Variants in BCAS1 observed in about 807,000 individuals in gnomAD.
BCAS1 encodes brain enriched myelin associated protein 1.
Under a neutral mutation model 65.4 loss-of-function variants are expected in BCAS1, and 46 were observed. The observed-to-expected ratio is 0.70, with a 90% CI of 0.55 to 0.90. BCAS1 has a LOEUF of 0.90. Among genes scored for constraint, BCAS1 ranks in the 40% least tolerant of loss-of-function variants. The pLI, the probability that BCAS1 is intolerant of heterozygous loss-of-function variation, is 0.00. For missense variants in BCAS1, 793 were observed against 771.2 expected, an observed-to-expected ratio of 1.03 and a Z score of -0.33; for synonymous variants, 298 against 293.5, an observed-to-expected ratio of 1.02 and a Z score of -0.16.
At chr20:53,981,010 G>A (rs2090463111) in intron 8 of BCAS1, among the ~76,000 whole-genome samples, 1 of 152,222 alleles carries the variant, frequency 6.6e-6, no homozygotes, top group Non-Finnish European at 1.5e-5. Context: ...ATATTGCTAA[G>A]AATGGGGAGC....
intron 1 of BCAS1, among the ~76,000 whole-genome samples, chr20:54,061,984 T>C (rs2146350952): frequency 6.6e-6 from 1 of 152,282 alleles, no homozygotes; most frequent in Non-Finnish European, 1.5e-5. Context: ...ATTAGAAGAA[T>C]CATAGAATGT....
chr20:54,021,982 A>C (rs1249822694), intron 4 of BCAS1, among the ~76,000 whole-genome samples: 1 of 152,246 alleles, frequency 6.6e-6, no homozygotes, highest in African/African-American at 2.4e-5. Context: ...GGCCATTGGA[A>C]AAATGGTGCT....
At chr20:53,980,117 G>A (rs933073977) in intron 8 of BCAS1, among the ~76,000 whole-genome samples, 5 of 152,252 alleles carry the variant, frequency 3.3e-5, no homozygotes, top group African/African-American at 1.2e-4. Flanking sequence ...ATAACATAGT[G>A]TTATGTTGAC....
rs113552289 is a variant in BCAS1, at chr20:53,966,999, G to T, written c.1392C>A (p.Asn464Lys). The change falls in exon 10 of 13, where the codon AAC becomes AAA. Residue 464 changes from asparagine to lysine, a missense_variant. By Grantham distance (94) the Asn-to-Lys change is moderately conservative. Transcript: ENST00000688948. Reference protein sequence around the residue: ...VESALQTVDLNEGDAAPEPTE... With the variant: ...VESALQTVDLKEGDAAPEPTE... ...TGGGTTCAGGTGCAGCATCTCCTTC[G>T]TTGAGGTCCACTGTTTGTAAGGCTG... The T allele has an allele frequency of 1.2e-5, 20 of 1,613,022 alleles. No homozygotes were observed. Among genetic ancestry groups the T allele is most frequent in the Non-Finnish European group, 4.2e-6 (5 of 1,179,518 alleles).
chr20:54,030,023 G>A (rs1228908562), intron 3 of BCAS1, among the ~76,000 whole-genome samples: 1 of 152,232 alleles, frequency 6.6e-6, no homozygotes, highest in East Asian at 1.9e-4. Flanking sequence ...GGAATTAAAG[G>A]TGTAGGGTTA....
intron 9 of BCAS1, among the ~76,000 whole-genome samples, chr20:53,972,008 T>C (rs1287950796): frequency 2.6e-5 from 4 of 152,248 alleles, no homozygotes; most frequent in African/African-American, 9.6e-5. Context: ...AAATCCTTAT[T>C]TTTCTTTCTG....
intron 7 of BCAS1, 89 bp downstream of exon 7, chr20:53,992,423 C>A: frequency 8.8e-7 from 1 of 1,134,988 alleles, no homozygotes; most frequent in Non-Finnish European, 1.2e-6. Flanking sequence ...TCTGTTTTTA[C>A]TGGAGAGGAG....
chr20:54,069,194 G>A (rs1335592677), intron 1 of BCAS1, among the ~76,000 whole-genome samples: 1 of 152,080 alleles, frequency 6.6e-6, no homozygotes, highest in East Asian at 1.9e-4. Flanking sequence ...AAGCTGCTGT[G>A]ATCAGCTCAG....
chr20:53,964,591 T>C (rs1227371543), intron 10 of BCAS1, among the ~76,000 whole-genome samples: 4 of 152,200 alleles, frequency 2.6e-5, no homozygotes, highest in African/African-American at 9.7e-5. Flanking sequence ...TCACCTACCT[T>C]CATCCCTATC....
At chr20:54,046,528 C>CAAAAAAA (rs71196442) in intron 3 of BCAS1, among the ~76,000 whole-genome samples, 2 of 54,208 alleles carry the variant, frequency 3.7e-5, no homozygotes, top group Non-Finnish European at 7.1e-5. Context: ...GACTCCATCT[C>CAAAAAAA]AAAAAAAAAA....
At chr20:54,021,546 G>C (rs1244306341) in intron 4 of BCAS1, among the ~76,000 whole-genome samples, 1 of 151,548 alleles carries the variant, frequency 6.6e-6, no homozygotes, top group African/African-American at 2.4e-5. Flanking sequence ...AATACTATGT[G>C]TCCATAAAAA....
chr20:53,975,008 A>G (rs772628235), intron 9 of BCAS1, among the ~76,000 whole-genome samples: 4 of 152,206 alleles, frequency 2.6e-5, no homozygotes, highest in Non-Finnish European at 4.4e-5. Flanking sequence ...CAAAGTTAGT[A>G]AGAAGCTGGA....
Position 54,058,113 on chromosome 20 carries a change from C to T in BCAS1, c.114G>A (p.Ser38=), listed in dbSNP as rs1371445563. ...CCTCTAAGTGCTGAACTGTGTGGGT[C>T]GACACCACCACTGGAACCCCGTTCA... The part of the protein sequence containing the change: ...SALNGVPVVV[S]THTVQHLEEV... Residue 38 remains serine, a synonymous_variant, in exon 3 of 13, where the codon TCG becomes TCA. Transcript: ENST00000688948. The T allele has an allele frequency of 6.2e-7, 1 of 1,613,556 alleles. No individual in the cohort carries two copies. The highest frequency in any genetic ancestry group is 1.3e-5 in the African/African-American group (1 of 74,752).
chr20:53,991,196 A>G (rs2090750273), intron 7 of BCAS1, among the ~76,000 whole-genome samples: 1 of 152,254 alleles, frequency 6.6e-6, no homozygotes, highest in Admixed American at 6.5e-5. Context: ...TATGAGATCT[A>G]TGACGCGTTT....
chr20:53,944,904 G>A lies in BCAS1; in HGVS notation c.*18C>T, dbSNP rs1444145266. 1 of 1,612,270 alleles carries A rather than the reference G, an allele frequency of 6.2e-7. No individual in the cohort carries two copies. The highest frequency in any genetic ancestry group is 2.2e-5 in the East Asian group (1 of 44,882). ...ATCTTGGTGGCAGGAGAACCTGGTG[G>A]GAACCGTGCTGATTTGTTTACTTGG... On this transcript the variant is annotated 3_prime_UTR_variant, in exon 13 of 13. Coordinates refer to ENST00000688948, the MANE Select transcript of BCAS1 (RefSeq NM_001366298.2).
At chr20:53,973,295 T>C (rs906509721) in intron 9 of BCAS1, among the ~76,000 whole-genome samples, 1 of 152,186 alleles carries the variant, frequency 6.6e-6, no homozygotes, top group Non-Finnish European at 1.5e-5. Flanking sequence ...AAAATCAAAA[T>C]GTTGCTTGCA....
At chr20:54,024,165 C>T (rs912332811) in intron 4 of BCAS1, among the ~76,000 whole-genome samples, 51 of 152,178 alleles carry the variant, frequency 3.4e-4, no homozygotes, top group African/African-American at 1.0e-3. Context: ...ATCACACAGC[C>T]AGTAGGTGAC....
chr20:53,959,735 C>T (rs951470347), intron 10 of BCAS1, among the ~76,000 whole-genome samples: 2 of 152,110 alleles, frequency 1.3e-5, no homozygotes, highest in Non-Finnish European at 2.9e-5. Context: ...CTGGAAGTTC[C>T]GTGTACTGAG....
intron 3 of BCAS1, among the ~76,000 whole-genome samples, chr20:54,051,654 C>T (rs1473504814): frequency 2.0e-5 from 3 of 152,158 alleles, no homozygotes; most frequent in East Asian, 3.8e-4. Context: ...TCTTTCCCCC[C>T]ATTCTTTATT....
Sources: allele counts gnomAD v4.1 joint callset (sites outside exome capture counted in the v4.1 genomes callset), GRCh38; gene constraint gnomAD v4.1.1; transcripts MANE v1.5; gene names NCBI Gene and HGNC (gene_info 2026-07-23, HGNC 2026-07-21).